The following ZNF710 variants were observed in gnomAD, a reference collection of about 807,000 sequenced individuals.
ZNF710 encodes zinc finger protein 710.
Under a neutral mutation model 50.6 loss-of-function variants are expected in ZNF710, and 13 were observed. That is an observed-to-expected ratio of 0.26 (90% CI 0.17 to 0.41). ZNF710 has a LOEUF of 0.41. ZNF710 is among the 10% of genes least tolerant of loss of function. ZNF710 has a pLI of 1.00. For missense variants in ZNF710, 721 were observed against 936.6 expected, an observed-to-expected ratio of 0.77 and a Z score of 3.01; for synonymous variants, 383 against 397.0, an observed-to-expected ratio of 0.96 and a Z score of 0.42.
At chr15:89,999,139 C>T (rs1373430564), upstream of ZNF710, among the ~76,000 whole-genome samples, 1 of 152,226 alleles carries the variant, frequency 6.6e-6, no homozygotes, top group Non-Finnish European at 1.5e-5. Context: ...TTGGCTAGCA[C>T]AGCCTAATCT....
intron 1 of ZNF710, among the ~76,000 whole-genome samples, chr15:90,021,060 T>A (rs933710893): frequency 1.4e-5 from 2 of 147,840 alleles, no homozygotes; most frequent in African/African-American, 5.1e-5. Flanking sequence ...GGTGAGGGTT[T>A]CAGCCCTGGG....
chr15:90,061,273 C>T (rs1483499287), intron 1 of ZNF710, among the ~76,000 whole-genome samples: 2 of 152,116 alleles, frequency 1.3e-5, no homozygotes, highest in Non-Finnish European at 2.9e-5. Flanking sequence ...TGGGCTCAAG[C>T]GATTCTCCTG....
At chr15:90,078,751 T>A (rs947259064) in intron 4 of ZNF710, among the ~76,000 whole-genome samples, 1 of 152,072 alleles carries the variant, frequency 6.6e-6, no homozygotes. Flanking sequence ...AGTGCCAAGG[T>A]TGAGAAAGTC....
chr15:90,072,207 A>G (rs1484773802), intron 2 of ZNF710, among the ~76,000 whole-genome samples: 1 of 152,212 alleles, frequency 6.6e-6, no homozygotes, highest in Non-Finnish European at 1.5e-5. Flanking sequence ...AACCGTAGAA[A>G]AGAAAGTTCA....
At chr15:90,000,196 G>C (rs1262436982), upstream of ZNF710, among the ~76,000 whole-genome samples, 2 of 152,274 alleles carry the variant, frequency 1.3e-5, no homozygotes, top group Admixed American at 6.5e-5. Context: ...CCCGAGGACA[G>C]AGCAGGTCTT....
chr15:90,011,716 C>T (rs186390589), intron 1 of ZNF710, among the ~76,000 whole-genome samples: 29 of 152,220 alleles, frequency 1.9e-4, no homozygotes, highest in Non-Finnish European at 3.4e-4. Context: ...TTTCAGTGTC[C>T]GTTTGGCTGA....
intron 1 of ZNF710, among the ~76,000 whole-genome samples, chr15:90,047,590 C>CTTTTTTTT (rs11452913): frequency 7.1e-6 from 1 of 140,904 alleles, no homozygotes; most frequent in African/African-American, 2.7e-5. Flanking sequence ...TTTCTTTTTT[C>CTTTTTTTT]TTTTTTTTTT....
intron 1 of ZNF710, among the ~76,000 whole-genome samples, chr15:90,027,595 T>C (rs1256244143): frequency 6.6e-6 from 1 of 152,144 alleles, no homozygotes; most frequent in African/African-American, 2.4e-5. Context: ...CTCATGCCTG[T>C]AATACTAGCA....
chr15:90,014,890 ATTT>A (rs71151546), intron 1 of ZNF710, among the ~76,000 whole-genome samples: 6 of 136,732 alleles, frequency 4.4e-5, no homozygotes, highest in African/African-American at 5.4e-5. Context: ...CATCAACTGA[ATTT>A]TTTTTTTTTT....
intron 1 of ZNF710, among the ~76,000 whole-genome samples, chr15:90,029,366 T>C (rs1320762494): frequency 6.6e-6 from 1 of 152,174 alleles, no homozygotes; most frequent in South Asian, 2.1e-4. Flanking sequence ...TAGGGGCCCT[T>C]CTGGCCATTT....
chr15:90,054,686 T>C (rs112851392), intron 1 of ZNF710, among the ~76,000 whole-genome samples: 51 of 152,360 alleles, frequency 3.3e-4, no homozygotes, highest in African/African-American at 1.1e-3. Flanking sequence ...TTGATTCTTA[T>C]CTTTGTCCCC....
chr15:90,045,998 G>T (rs1240606564), intron 1 of ZNF710, among the ~76,000 whole-genome samples: 1 of 152,114 alleles, frequency 6.6e-6, no homozygotes, highest in Admixed American at 6.5e-5. Context: ...TCACACTCTG[G>T]GTCCCCCAGG....
chr15:90,013,646 A>T (rs946327882), intron 1 of ZNF710, among the ~76,000 whole-genome samples: 4 of 151,980 alleles, frequency 2.6e-5, no homozygotes, highest in African/African-American at 7.2e-5. Context: ...CCTTTTTTTT[A>T]AAACTCCACC....
Position 90,067,144 on chromosome 15 carries a change from G to A in ZNF710, c.7G>A (p.Gly3Ser). The A allele has an allele frequency of 6.3e-7, 1 of 1,594,696 alleles. No individual in the cohort carries two copies. ME[G>S]FMDSGTQTDA... ...CCTAGCTAGCCGTCACGGGATGGAGGGCTTCATGGACTCAGGGACACAGAC... is the reference window on the plus strand; with the variant it reads ...CCTAGCTAGCCGTCACGGGATGGAGAGCTTCATGGACTCAGGGACACAGAC... Residue 3 changes from glycine (G) to serine (S), a missense_variant, in exon 2 of 5, where the codon GGC (glycine) becomes AGC (serine). Gly to Ser is a moderately conservative substitution (Grantham distance 56, BLOSUM62 0). Around this residue, in one of 3 missense-constraint regions of ZNF710, gnomAD observed 326 missense variants for 347.1 expected, o/e 0.94. Coordinates refer to ENST00000268154, the MANE Select transcript of ZNF710 (RefSeq NM_198526.4). This position sits in a 1 kb window ranked among gnomAD's most constrained non-coding sequence, Gnocchi z 8.1.
rs1899057376 is a variant in ZNF710 at position 90,034,570 on chromosome 15, G to T, written c.-28-32540G>T. 6.6e-6 allele frequency among the ~76,000 whole-genome samples: 1 copy of T among 151,924 alleles called. No homozygotes were observed. Among genetic ancestry groups the T allele is most frequent in the Admixed American group, 6.6e-5 (1 of 15,244 alleles). On this transcript the variant is annotated intron_variant, in intron 1 of 4. Transcript: ENST00000268154. This position sits in a 1 kb window ranked among gnomAD's most constrained non-coding sequence, Gnocchi z 4.0. ...TTCCTGCTGATTAACTCAGTTCCTG[G>T]AGGGCCCTCCCTAGCAGCAGGGGAA... is the stretch of plus-strand genomic sequence containing the variant.
At chr15:90,048,524 CG>C (rs1899538411) in intron 1 of ZNF710, among the ~76,000 whole-genome samples, 1 of 152,000 alleles carries the variant, frequency 6.6e-6, no homozygotes, top group African/African-American at 2.4e-5. Context: ...TTTCAGGGGT[CG>C]GGGCCAGCAC....
At chr15:90,030,329 C>CAAAAA (rs10685083) in intron 1 of ZNF710, among the ~76,000 whole-genome samples, 2,743 of 50,172 alleles carry the variant, frequency 0.055, 253 homozygotes, top group Middle Eastern at 0.088. Flanking sequence ...AACTCCATCT[C>CAAAAA]AAAAAAAAAA....
chr15:90,060,178 T>C (rs1899963938), intron 1 of ZNF710, among the ~76,000 whole-genome samples: 1 of 139,348 alleles, frequency 7.2e-6, no homozygotes, highest in South Asian at 2.3e-4. Context: ...GCAAGTCAAC[T>C]CCCCAAGGGT....
rs371236034 is a variant in ZNF710 at position 90,055,647 on chromosome 15, T to C, written c.-28-11463T>C. Among the ~76,000 whole-genome samples, 11 of 152,242 alleles carry C rather than the reference T, an allele frequency of 7.2e-5. No individual in the cohort carries two copies. The East Asian group carries it at 1.9e-3, about 27-fold the overall frequency. ...AAGGGACAGCTGCGTGGCAGAACTC[T>C]TGAGAGCTCAAAACATTTCCTGCAG... On this transcript the variant is annotated intron_variant, in intron 1 of 4. Coordinates refer to ENST00000268154, the MANE Select transcript of ZNF710 (RefSeq NM_198526.4).
Sources: gnomAD v4.1 joint callset for allele counts (sites outside exome capture counted in the v4.1 genomes callset) on GRCh38, gnomAD v4.1.1 for gene constraint, gnomAD v4.1.1 regional missense constraint, Gnocchi (gnomAD v3.1) non-coding constraint, MANE v1.5 for transcripts, NCBI Gene and HGNC (gene_info 2026-07-23, HGNC 2026-07-21) for gene names.